The following TCF12 variants were observed in gnomAD, a reference collection of about 807,000 sequenced individuals.
TCF12 encodes transcription factor 12.
TCF12 carries 45 observed loss-of-function variants against 86.0 expected under a neutral mutation model. The ratio of observed to expected loss-of-function variants is 0.52; its 90% CI spans 0.41 to 0.67. The LOEUF is 0.67. Among genes scored for constraint, TCF12 ranks in the 30% least tolerant of loss-of-function variants. TCF12 has a pLI of 0.00. For missense variants in TCF12, 881 were observed against 859.9 expected, an observed-to-expected ratio of 1.02 and a Z score of -0.31; for synonymous variants, 330 against 299.6, an observed-to-expected ratio of 1.10 and a Z score of -1.05.
At chr15:57,136,958 GTTTTTTTTTTTGTTTTTTTTTTTTTT>G (rs1366972129) in intron 5 of TCF12, among the ~76,000 whole-genome samples, 5 of 83,044 alleles carry the variant, frequency 6.0e-5, no homozygotes, top group South Asian at 4.7e-4. Context: ...GCTTCTGGCA[GTTTTTTTTTTTGTTTTTTTTTTTTTT>G]TTTTTTTTTT....
rs539031767 is a variant in TCF12 at position 56,940,917 on chromosome 15, CTTTTTTT to C, written c.148+19829_148+19835del. 3.7e-5 allele frequency among the ~76,000 whole-genome samples: 5 copies of C among 134,476 alleles called. No homozygotes were observed. The East Asian group carries it at 1.1e-3, about 30-fold the overall frequency. The allele number at this position is 134,476 out of a possible 152,430, so 88.2% of individuals were successfully genotyped here. On this transcript the variant is annotated intron_variant, in intron 3 of 20. Transcript: ENST00000333725. The stretch of plus-strand genomic sequence containing the variant: ...GTGTGCGTGACCATGCCCAGCTGCT[CTTTTTTT>C]TTTTTTTTTCTTTTTGGGTAGAGAC...
At chr15:57,240,609 C>G (rs1275599620) in intron 12 of TCF12, among the ~76,000 whole-genome samples, 1 of 152,068 alleles carries the variant, frequency 6.6e-6, no homozygotes, top group Non-Finnish European at 1.5e-5. Context: ...GGGCCGGGTT[C>G]AATGGCTCAC....
intron 19 of TCF12, among the ~76,000 whole-genome samples, chr15:57,274,398 A>T (rs1282362540): frequency 2.0e-5 from 3 of 152,244 alleles, no homozygotes; most frequent in African/African-American, 7.2e-5. Context: ...AATGTTAAAA[A>T]TGGATACTTG....
intron 6 of TCF12, among the ~76,000 whole-genome samples, chr15:57,189,843 A>C (rs1481332380): frequency 6.6e-6 from 1 of 152,208 alleles, no homozygotes; most frequent in East Asian, 1.9e-4. Flanking sequence ...AATGTCCATC[A>C]GTGGGTGAAT....
chr15:57,195,337 A>G (rs1057220763), intron 7 of TCF12, among the ~76,000 whole-genome samples: 3 of 152,270 alleles, frequency 2.0e-5, no homozygotes, highest in Non-Finnish European at 4.4e-5. Flanking sequence ...ATTTCTTTTC[A>G]CATGGCAGTG....
intron 5 of TCF12, chr15:57,134,173 C>A (rs1279674699): frequency 2.0e-5 from 3 of 152,010 alleles, no homozygotes; most frequent in African/African-American, 7.3e-5. Context: ...AATCTTAGTC[C>A]TTTTTCATAA....
chr15:56,954,772 A>G (rs560770943), intron 3 of TCF12, among the ~76,000 whole-genome samples: 13 of 152,336 alleles, frequency 8.5e-5, no homozygotes, highest in Non-Finnish European at 1.8e-4. Flanking sequence ...GTGAACAGAC[A>G]CTTCTCAAAA....
chr15:56,977,133 A>G (rs1042599172), intron 3 of TCF12, among the ~76,000 whole-genome samples: 2 of 152,204 alleles, frequency 1.3e-5, no homozygotes, highest in Admixed American at 1.3e-4. Context: ...GTGACTTAAA[A>G]TAACAAATTT....
At chr15:56,933,712 A>G (rs2060346341) in intron 3 of TCF12, among the ~76,000 whole-genome samples, 1 of 152,106 alleles carries the variant, frequency 6.6e-6, no homozygotes. Flanking sequence ...TACAGATATT[A>G]GTTATTAGGT....
At chr15:57,152,559 GTAAATAATTCC>G (rs1567524307) in intron 5 of TCF12, among the ~76,000 whole-genome samples, 1 of 151,160 alleles carries the variant, frequency 6.6e-6, no homozygotes, top group Non-Finnish European at 1.5e-5. Context: ...AAAAACAGAG[GTAAATAATTCC>G]TTTGTGGTCA....
At chr15:57,048,623 A>G (rs1342766849) in intron 3 of TCF12, among the ~76,000 whole-genome samples, 1 of 152,098 alleles carries the variant, frequency 6.6e-6, no homozygotes, top group Non-Finnish European at 1.5e-5. Context: ...TGCAAAAGAC[A>G]TGGCACTCTC....
intron 8 of TCF12, among the ~76,000 whole-genome samples, chr15:57,224,952 A>T (rs1328571636): frequency 2.0e-5 from 3 of 152,130 alleles, no homozygotes; most frequent in African/African-American, 7.2e-5. Flanking sequence ...CTAGTAGCAG[A>T]TTGGAGTTTA....
At chr15:56,952,943 A>G (rs1186289381) in intron 3 of TCF12, among the ~76,000 whole-genome samples, 2 of 152,118 alleles carry the variant, frequency 1.3e-5, no homozygotes, top group Admixed American at 6.5e-5. Flanking sequence ...TAGATCTTAG[A>G]AAGCATTAGT....
intron 6 of TCF12, among the ~76,000 whole-genome samples, chr15:57,166,865 C>G (rs2054933652): frequency 6.6e-6 from 1 of 152,088 alleles, no homozygotes; most frequent in South Asian, 2.1e-4. Flanking sequence ...TGTTTTCAAT[C>G]CTGCATGTAA....
upstream of TCF12, chr15:56,918,374 C>T (rs1358332950): frequency 7.9e-6 from 3 of 379,656 alleles, no homozygotes; most frequent in South Asian, 1.8e-5. Flanking sequence ...CCACCCCGCT[C>T]CCAGGAGGCC....
chr15:57,250,901 A>G (rs1027891100), intron 13 of TCF12, among the ~76,000 whole-genome samples: 4 of 151,982 alleles, frequency 2.6e-5, no homozygotes, highest in Admixed American at 6.5e-5. Flanking sequence ...CTCAAAAAAA[A>G]AAAAGAAAAA....
At chr15:57,262,068 T>C (rs1308147744) in intron 16 of TCF12, 26 bp from the exon 17 acceptor site, 21 of 1,497,784 alleles carry the variant, frequency 1.4e-5, no homozygotes, top group Non-Finnish European at 1.8e-5. Context: ...AATCTTTTTT[T>C]ATTTTTGGGT....
intron 19 of TCF12, 45 bp downstream of exon 19, chr15:57,273,307 G>C: frequency 6.4e-7 from 1 of 1,573,300 alleles, no homozygotes; most frequent in Non-Finnish European, 8.7e-7. Flanking sequence ...GCTTCAGATG[G>C]GCAGACATTT....
chr15:57,088,657 G>C (rs1385744198), intron 4 of TCF12, among the ~76,000 whole-genome samples: 1 of 151,930 alleles, frequency 6.6e-6, no homozygotes, highest in South Asian at 2.1e-4. Context: ...TCCAAGTTGT[G>C]TAAGTTCTTG....
Sources: gnomAD v4.1 joint callset for allele counts (sites outside exome capture counted in the v4.1 genomes callset) on GRCh38, gnomAD v4.1.1 for gene constraint, MANE v1.5 for transcripts, NCBI Gene and HGNC (gene_info 2026-07-23, HGNC 2026-07-21) for gene names.